The following ENOX2 variants were observed in gnomAD, a reference collection of about 807,000 sequenced individuals.
The protein encoded by ENOX2 is APK1 antigen.
In ENOX2, 36 loss-of-function variants were observed where a neutral mutation model predicts 45.0. That is an observed-to-expected ratio of 0.80 (90% confidence interval 0.61 to 1.06). The LOEUF is 1.06. ENOX2 is among the 50% of genes least tolerant of loss of function. ENOX2 has a pLI of 0.00. For missense variants in ENOX2, 423 were observed against 462.5 expected (o/e 0.91, Z 0.78); for synonymous variants, 174 against 152.3 (o/e 1.14, Z -1.05).
intron 2 of ENOX2, among the ~76,000 whole-genome samples, chrX:130,816,892 A>G (rs753317836): frequency 2.7e-5 from 3 of 112,052 alleles, no homozygotes; most frequent in African/African-American, 9.7e-5. Flanking sequence ...AAGCTAGCAG[A>G]AGACAAGAAA....
chrX:130,717,645 A>G (rs1338405248), intron 3 of ENOX2, among the ~76,000 whole-genome samples: 1 of 112,012 alleles, frequency 8.9e-6, no homozygotes, highest in Non-Finnish European at 1.9e-5. Flanking sequence ...TGTATATCAA[A>G]TCCTATTTTT....
At chrX:130,656,301 T>C (rs1177425906) in intron 10 of ENOX2, among the ~76,000 whole-genome samples, 1 of 112,569 alleles carries the variant, frequency 8.9e-6, no homozygotes, top group African/African-American at 3.2e-5. Context: ...CTGACTATAC[T>C]AGGTTACAGC....
intron 5 of ENOX2, among the ~76,000 whole-genome samples, chrX:130,682,583 CAAA>C (rs55875735): frequency 6.8e-4 from 10 of 14,639 alleles, no homozygotes; most frequent in African/African-American, 1.6e-3. Context: ...GACTCCGTCT[CAAA>C]AAAAAAAAAA....
intron 10 of ENOX2, among the ~76,000 whole-genome samples, chrX:130,641,816 T>C (rs753260227): frequency 9.0e-6 from 1 of 111,083 alleles, no homozygotes; most frequent in Non-Finnish European, 1.9e-5. Context: ...AGCACATCTG[T>C]TTACAGTATG....
chrX:130,711,738 T>C (rs1026822022), intron 3 of ENOX2, among the ~76,000 whole-genome samples: 2 of 111,449 alleles, frequency 1.8e-5, no homozygotes, highest in Non-Finnish European at 3.8e-5. Flanking sequence ...CTAAACCTCA[T>C]CCTGGAAGAT....
intron 3 of ENOX2, among the ~76,000 whole-genome samples, chrX:130,771,104 A>G: frequency 8.9e-6 from 1 of 111,972 alleles, no homozygotes; most frequent in East Asian, 2.8e-4. Flanking sequence ...GGTAGAGATT[A>G]TCTTTGTGGG....
At chrX:130,631,061 TGA>T (rs776396810) in intron 13 of ENOX2, among the ~76,000 whole-genome samples, 21 of 111,508 alleles carry the variant, frequency 1.9e-4, no homozygotes, top group South Asian at 3.8e-4. Context: ...TGGAAAAACT[TGA>T]GAGGCCTATA....
At chrX:130,800,845 C>T (rs2077205403) in intron 2 of ENOX2, among the ~76,000 whole-genome samples, 1 of 112,248 alleles carries the variant, frequency 8.9e-6, no homozygotes, top group South Asian at 3.7e-4. Flanking sequence ...AACTTTGGTG[C>T]TTGTCAAATG....
intron 2 of ENOX2, among the ~76,000 whole-genome samples, chrX:130,815,933 A>C (rs1191609580): frequency 8.9e-6 from 1 of 111,800 alleles, no homozygotes; most frequent in African/African-American, 3.3e-5. Context: ...AAATGTCCCA[A>C]TTAGCAAATT....
chrX:130,766,570 T>A (rs1251737614), intron 3 of ENOX2, among the ~76,000 whole-genome samples: 1 of 111,997 alleles, frequency 8.9e-6, no homozygotes, highest in African/African-American at 3.2e-5. Context: ...TTAAAAGTTT[T>A]GGAATTCTGT....
At chrX:130,664,097 C>T (rs2036770094) in intron 9 of ENOX2, among the ~76,000 whole-genome samples, 1 of 112,200 alleles carries the variant, frequency 8.9e-6, no homozygotes, top group Non-Finnish European at 1.9e-5. Flanking sequence ...ATTTGTGACT[C>T]TACCAACCCA....
chrX:130,896,756 G>A (rs1377465471), intron 2 of ENOX2, among the ~76,000 whole-genome samples: 2 of 111,889 alleles, frequency 1.8e-5, no homozygotes, highest in African/African-American at 3.2e-5. Context: ...GATGACTCAT[G>A]CTTAGGACTT....
chrX:130,745,100 G>A (rs761091702), intron 3 of ENOX2, among the ~76,000 whole-genome samples: 2 of 111,512 alleles, frequency 1.8e-5, no homozygotes, highest in South Asian at 3.9e-4. Flanking sequence ...AAAAGGTTGC[G>A]GACGGCTGTG....
In ENOX2 at chrX:130,690,879, T is replaced by C. The variant is rs767688508; in HGVS notation, c.98-1861A>G. Among the ~76,000 whole-genome samples, 3 of 111,624 alleles carry C rather than the reference T, an allele frequency of 2.7e-5. No homozygotes were observed. The South Asian group carries it at 1.1e-3, about 43-fold the overall frequency. ...AAGCAAGCTAGGGCACTACCCAGCC[T>C]CTCACATGCCTTTTTATCCTGTGAT... On this transcript the variant is annotated intron_variant, in intron 4 of 14. Transcript: ENST00000394363.
chrX:130,785,091 C>A (rs1218674838), intron 2 of ENOX2, among the ~76,000 whole-genome samples: 1 of 108,882 alleles, frequency 9.2e-6, no homozygotes, highest in Non-Finnish European at 1.9e-5. Context: ...TTTGGGAGGC[C>A]GAGGCAGGCA....
At chrX:130,657,326 G>A (rs1358728894) in intron 9 of ENOX2, among the ~76,000 whole-genome samples, 1 of 111,687 alleles carries the variant, frequency 9.0e-6, no homozygotes, top group Admixed American at 9.5e-5. Context: ...AATAGCATAG[G>A]GTGAGTCTCT....
At chrX:130,789,505 C>A (rs1569502419) in intron 2 of ENOX2, among the ~76,000 whole-genome samples, 2 of 111,770 alleles carry the variant, frequency 1.8e-5, no homozygotes, top group East Asian at 5.6e-4. Flanking sequence ...ACAATGCCAC[C>A]CTGGATTAGT....
chrX:130,886,536 T>C (rs758783303), intron 2 of ENOX2, among the ~76,000 whole-genome samples: 1 of 112,354 alleles, frequency 8.9e-6, no homozygotes, highest in African/African-American at 3.2e-5. Context: ...TTATGGACCA[T>C]TATGTTTCTG....
intron 12 of ENOX2, among the ~76,000 whole-genome samples, chrX:130,632,410 CCAGCAGT>C (rs895790609): frequency 1.1e-5 from 1 of 94,960 alleles, no homozygotes; most frequent in Non-Finnish European, 2.1e-5. Flanking sequence ...AAATCCATGA[CCAGCAGT>C]CAAACTGAAA....
Sources: gnomAD v4.1 joint callset for allele counts (sites outside exome capture counted in the v4.1 genomes callset) on GRCh38, gnomAD v4.1.1 for gene constraint, MANE v1.5 for transcripts, NCBI Gene and HGNC (gene_info 2026-07-23, HGNC 2026-07-21) for gene names.